The following RGS22 variants were observed in gnomAD, a reference collection of about 807,000 sequenced individuals.
RGS22 encodes the protein regulator of G-protein signaling 22.
RGS22 carries 148 observed loss-of-function variants against 172.9 expected under a neutral mutation model. That is an observed-to-expected ratio of 0.86 (90% CI 0.75 to 0.98). The LOEUF (loss-of-function observed/expected upper bound fraction) is 0.98, where lower values mean the gene tolerates loss of function less well. Among genes scored for constraint, RGS22 ranks in the 50% least tolerant of loss-of-function variants. RGS22 has a pLI of 0.00. For missense variants in RGS22, 1,347 were observed against 1,440.8 expected (o/e 0.93, Z 1.05); for synonymous variants, 458 against 480.2 (o/e 0.95, Z 0.60).
intron 20 of RGS22, among the ~76,000 whole-genome samples, chr8:99,989,643 A>C (rs1296888968): frequency 1.3e-5 from 2 of 152,172 alleles, no homozygotes; most frequent in African/African-American, 2.4e-5. Flanking sequence ...CAGGAGTTCA[A>C]GACCAGCCTG....
chr8:100,089,245 A>C (rs1158734976), intron 3 of RGS22, among the ~76,000 whole-genome samples: 3 of 150,868 alleles, frequency 2.0e-5, no homozygotes, highest in Non-Finnish European at 3.0e-5. Flanking sequence ...CGATATTCTC[A>C]TAAGATGATT....
At chr8:100,100,542 G>A (rs537148448) in intron 2 of RGS22, among the ~76,000 whole-genome samples, 227 of 152,176 alleles carry the variant, frequency 1.5e-3, no homozygotes, top group African/African-American at 5.0e-3. Context: ...TGCCTGCGAC[G>A]GCCTCCCAAA....
chr8:100,035,419 C>T (rs572231726), intron 14 of RGS22, among the ~76,000 whole-genome samples: 5 of 152,194 alleles, frequency 3.3e-5, no homozygotes, highest in Non-Finnish European at 7.3e-5. Context: ...TACCATCTCA[C>T]GCCAGTTAGA....
intron 24 of RGS22, among the ~76,000 whole-genome samples, chr8:99,964,797 T>C (rs1022827185): frequency 6.6e-6 from 1 of 152,214 alleles, no homozygotes; most frequent in African/African-American, 2.4e-5. Flanking sequence ...AAGGTACAAA[T>C]GCTTTCAATA....
At chr8:100,001,350 C>T (rs1017186640) in intron 18 of RGS22, among the ~76,000 whole-genome samples, 1 of 151,156 alleles carries the variant, frequency 6.6e-6, no homozygotes, top group Admixed American at 6.6e-5. Flanking sequence ...GATTCTCCTG[C>T]CTTAGCCTCC....
chr8:100,062,455 C>T, intron 9 of RGS22, 136 bp downstream of exon 9: 2 of 590,720 alleles, frequency 3.4e-6, no homozygotes, highest in East Asian at 6.7e-5. Flanking sequence ...AGGACAAGTA[C>T]CTTAAAGAAG....
intron 3 of RGS22, among the ~76,000 whole-genome samples, chr8:100,086,980 G>A (rs1586253985): frequency 6.6e-6 from 1 of 152,110 alleles, no homozygotes; most frequent in African/African-American, 2.4e-5. Flanking sequence ...ATATGAGGTG[G>A]TGCCAGCCGT....
chr8:100,005,985 A>T lies in RGS22; in HGVS notation c.2454+32T>A, dbSNP rs759829072. The T allele has an allele frequency of 8.4e-6, 13 of 1,554,808 alleles. No individual in the cohort carries two copies. The South Asian group carries it at 1.5e-4, about 17-fold the overall frequency. On this transcript the variant is annotated intron_variant, in intron 16 of 27. Coordinates refer to ENST00000360863, the MANE Select transcript of RGS22 (RefSeq NM_015668.5). Reference sequence around the variant, plus strand: ...AGTGGTAACCCTCTCCAGGATAAAAAGTTTGTTTTTCTAAGTAGAAAGTTG... The same window carrying T: ...AGTGGTAACCCTCTCCAGGATAAAATGTTTGTTTTTCTAAGTAGAAAGTTG...
rs72050805 is a variant in RGS22 at position 100,060,402 on chromosome 8, G to GTATATATATATATA, written c.1514+2175_1514+2188dup. Among the ~76,000 whole-genome samples the GTATATATATATATA allele has an allele frequency of 8.4e-4, 86 of 102,964 alleles. 6 individuals carry two copies. The highest frequency in any genetic ancestry group is 0.01 in the Middle Eastern group (2 of 196). 67.5% of individuals were successfully genotyped at this position (102,964 alleles called of 152,430 possible). ...GATAAATCTGCAACTTTAGCTACGT[G>GTATATATATATATA]TATATATATATATATATATACACAC... On this transcript the variant is annotated intron_variant, in intron 9 of 27. Coordinates refer to ENST00000360863, the MANE Select transcript of RGS22 (RefSeq NM_015668.5).
intron 2 of RGS22, among the ~76,000 whole-genome samples, chr8:100,100,992 T>A (rs1047280824): frequency 6.6e-6 from 1 of 152,206 alleles, no homozygotes; most frequent in Admixed American, 6.5e-5. Context: ...TACACTACAA[T>A]GTTTTTACTC....
intron 19 of RGS22, among the ~76,000 whole-genome samples, chr8:99,998,131 C>A (rs1814590822): frequency 6.6e-6 from 1 of 152,112 alleles, no homozygotes; most frequent in Admixed American, 6.6e-5. Flanking sequence ...TTATCTAATT[C>A]TTCTCCCATT....
intron 3 of RGS22, among the ~76,000 whole-genome samples, chr8:100,085,520 T>A (rs1166918862): frequency 5.9e-5 from 9 of 152,184 alleles, no homozygotes; most frequent in Non-Finnish European, 1.5e-5. Context: ...AAAACATCCA[T>A]AAAGTTGTCT....
At chr8:100,102,790 A>T (rs1337747168) in intron 2 of RGS22, among the ~76,000 whole-genome samples, 1 of 152,262 alleles carries the variant, frequency 6.6e-6, no homozygotes, top group Non-Finnish European at 1.5e-5. Flanking sequence ...AATCAAAAAC[A>T]GTAAGAATGT....
At chr8:100,071,149 G>A (rs190830214) in intron 6 of RGS22, among the ~76,000 whole-genome samples, 47 of 152,178 alleles carry the variant, frequency 3.1e-4, no homozygotes, top group African/African-American at 1.1e-3. Flanking sequence ...TTAGCCAGGT[G>A]TGGTGATGCA....
At chr8:99,964,687 A>G (rs1292987946) in intron 24 of RGS22, among the ~76,000 whole-genome samples, 2 of 152,122 alleles carry the variant, frequency 1.3e-5, no homozygotes, top group African/African-American at 2.4e-5. Flanking sequence ...TCTTCTCTCA[A>G]TAATAGCTTC....
intron 22 of RGS22, among the ~76,000 whole-genome samples, chr8:99,978,952 C>T (rs971284915): frequency 6.6e-6 from 1 of 152,106 alleles, no homozygotes; most frequent in Admixed American, 6.5e-5. Flanking sequence ...CCTGAAATGG[C>T]GTATTTCATT....
intron 14 of RGS22, among the ~76,000 whole-genome samples, chr8:100,019,811 T>C (rs562795861): frequency 6.6e-6 from 1 of 152,260 alleles, no homozygotes; most frequent in South Asian, 2.1e-4. Flanking sequence ...ATCTTTCACA[T>C]TCTTCTCACA....
At chr8:100,105,848 G>T in intron 1 of RGS22, 49 bp downstream of exon 1, 1 of 1,460,748 alleles carries the variant, frequency 6.8e-7, no homozygotes, top group Non-Finnish European at 9.2e-7. Context: ...GCGTGGTGCG[G>T]CCCCGACGCC....
At chr8:100,085,440 G>A (rs1279477547) in intron 3 of RGS22, among the ~76,000 whole-genome samples, 3 of 152,150 alleles carry the variant, frequency 2.0e-5, no homozygotes, top group Non-Finnish European at 4.4e-5. Flanking sequence ...CATCCTATGA[G>A]GGGAAGGGAT....
Sources: allele counts gnomAD v4.1 joint callset (sites outside exome capture counted in the v4.1 genomes callset), GRCh38; gene constraint gnomAD v4.1.1; transcripts MANE v1.5; gene names NCBI Gene and HGNC (gene_info 2026-07-23, HGNC 2026-07-21).